The following NEDD4L variants were observed in gnomAD, a reference collection of about 807,000 sequenced individuals.
NEDD4L encodes NEDD4 like E3 ubiquitin protein ligase, also known as E3 ubiquitin-protein ligase NEDD4-like.
NEDD4L carries 54 observed loss-of-function variants against 148.9 expected under a neutral mutation model. The ratio of observed to expected loss-of-function variants is 0.36; its 90% CI spans 0.29 to 0.45. NEDD4L has a LOEUF of 0.45. NEDD4L is among the 20% of genes least tolerant of loss of function. The pLI, the probability that NEDD4L is intolerant of heterozygous loss-of-function variation, is 1.00. For synonymous variants in NEDD4L, 433 were observed against 440.7 expected (o/e 0.98, Z 0.22); for missense variants, 856 against 1,233.8 (o/e 0.69, Z 4.59).
chr18:58,329,966 G>A (rs539243788), intron 10 of NEDD4L, among the ~76,000 whole-genome samples: 60 of 152,126 alleles, frequency 3.9e-4, no homozygotes, highest in Non-Finnish European at 7.4e-4. Context: ...TTATTGAGTC[G>A]CTTTGACACT....
chr18:58,247,671 T>C (rs2148448017), intron 3 of NEDD4L: 1 of 152,658 alleles, frequency 6.6e-6, no homozygotes, highest in East Asian at 1.9e-4. Context: ...GCCGTCATCC[T>C]CCTCTCCTTG....
intron 13 of NEDD4L, among the ~76,000 whole-genome samples, chr18:58,339,942 C>A (rs2042220072): frequency 6.6e-6 from 1 of 152,176 alleles, no homozygotes; most frequent in South Asian, 2.1e-4. Context: ...AAGAAAACGA[C>A]AACTGCTAAA....
chr18:58,354,982 C>A (rs1420391525), intron 18 of NEDD4L, among the ~76,000 whole-genome samples: 1 of 152,140 alleles, frequency 6.6e-6, no homozygotes, highest in Non-Finnish European at 1.5e-5. Context: ...CAGCATTGCT[C>A]CAAACAGCTA....
At chr18:58,261,258 A>G (rs2049336146) in intron 5 of NEDD4L, among the ~76,000 whole-genome samples, 1 of 152,236 alleles carries the variant, frequency 6.6e-6, no homozygotes, top group Admixed American at 6.5e-5. Flanking sequence ...ACTCGTAAGT[A>G]TATTTACTGT....
At chr18:58,298,976 T>G (rs2056084866) in intron 5 of NEDD4L, among the ~76,000 whole-genome samples, 1 of 152,212 alleles carries the variant, frequency 6.6e-6, no homozygotes, top group African/African-American at 2.4e-5. Flanking sequence ...TTCTAAATAT[T>G]ATCTTTAGTC....
intron 26 of NEDD4L, among the ~76,000 whole-genome samples, chr18:58,386,427 A>G (rs565978114): frequency 1.6e-4 from 24 of 152,232 alleles, no homozygotes; most frequent in African/African-American, 5.5e-4. Flanking sequence ...ATACAGATAC[A>G]TGGAAAACAC....
intron 2 of NEDD4L, among the ~76,000 whole-genome samples, chr18:58,185,725 T>G (rs2039393164): frequency 1.3e-5 from 2 of 151,928 alleles, no homozygotes; most frequent in South Asian, 4.2e-4. Context: ...AATACAAAAT[T>G]AGCCGGGTGT....
intron 1 of NEDD4L, among the ~76,000 whole-genome samples, chr18:58,067,525 G>T (rs551617701): frequency 6.6e-6 from 1 of 152,102 alleles, no homozygotes; most frequent in Non-Finnish European, 1.5e-5. Context: ...GAGGTGGTGT[G>T]GGGGGCCTGC....
chr18:58,100,812 A>C (rs1036023782), intron 1 of NEDD4L, among the ~76,000 whole-genome samples: 4 of 152,120 alleles, frequency 2.6e-5, no homozygotes, highest in African/African-American at 9.7e-5. Context: ...TAATTAAAAA[A>C]ATATTTTCTT....
chr18:58,251,539 G>C (rs1350510539), intron 4 of NEDD4L, among the ~76,000 whole-genome samples: 1 of 149,596 alleles, frequency 6.7e-6, no homozygotes, highest in Non-Finnish European at 1.5e-5. Flanking sequence ...GTGTGTTTGT[G>C]TGTATGTGTG....
chr18:58,212,568 G>A (rs374554489), intron 2 of NEDD4L, among the ~76,000 whole-genome samples: 4 of 152,150 alleles, frequency 2.6e-5, no homozygotes, highest in Non-Finnish European at 4.4e-5. Context: ...CCCGTGACAC[G>A]TGGGGATTAT....
intron 2 of NEDD4L, among the ~76,000 whole-genome samples, chr18:58,221,288 C>T (rs1335446400): frequency 6.6e-6 from 1 of 152,072 alleles, no homozygotes; most frequent in Non-Finnish European, 1.5e-5. Flanking sequence ...CCCCGCCAGA[C>T]ATAGAGTCAT....
At chr18:58,224,173 TCA>T (rs2044093049) in intron 2 of NEDD4L, among the ~76,000 whole-genome samples, 1 of 152,238 alleles carries the variant, frequency 6.6e-6, no homozygotes, top group African/African-American at 2.4e-5. Flanking sequence ...TCACGATTAC[TCA>T]TCTGGCCTGC....
intron 6 of NEDD4L, among the ~76,000 whole-genome samples, chr18:58,322,016 G>A (rs2058824734): frequency 1.3e-5 from 2 of 152,154 alleles, no homozygotes; most frequent in Non-Finnish European, 2.9e-5. Context: ...AAAAAACAAA[G>A]TTTCCCTCAA....
chr18:58,111,463 G>C (rs2085416503), intron 1 of NEDD4L, among the ~76,000 whole-genome samples: 1 of 152,130 alleles, frequency 6.6e-6, no homozygotes, highest in African/African-American at 2.4e-5. Flanking sequence ...TCCCTAGGCA[G>C]CCTCTAAACT....
intron 5 of NEDD4L, among the ~76,000 whole-genome samples, chr18:58,257,030 A>G (rs1340679318): frequency 6.6e-6 from 1 of 152,126 alleles, no homozygotes; most frequent in Non-Finnish European, 1.5e-5. Context: ...CAAGCAGAAT[A>G]CCTTCCCCCT....
intron 15 of NEDD4L, among the ~76,000 whole-genome samples, chr18:58,342,315 A>G (rs1327524824): frequency 6.6e-6 from 1 of 152,138 alleles, no homozygotes; most frequent in East Asian, 1.9e-4. Context: ...TTTTGGTGCC[A>G]TCCTTTAACA....
chr18:58,283,351 C>T (rs1291544267), intron 5 of NEDD4L, among the ~76,000 whole-genome samples: 2 of 152,208 alleles, frequency 1.3e-5, no homozygotes, highest in Non-Finnish European at 2.9e-5. Flanking sequence ...GCTGGGATTA[C>T]AGGCGTGAGC....
chr18:58,186,041 GTATGCACACGCGCACAGAGAAGGATACA>G (rs1485829135), intron 2 of NEDD4L, among the ~76,000 whole-genome samples: 20 of 151,484 alleles, frequency 1.3e-4, no homozygotes, highest in South Asian at 6.3e-4. Flanking sequence ...AGAAGGATAC[GTATGCACACGCGCACAGAGAAGGATACA>G]TATGCACACG....
Sources: gnomAD v4.1 joint callset for allele counts (sites outside exome capture counted in the v4.1 genomes callset) on GRCh38, gnomAD v4.1.1 for gene constraint, MANE v1.5 for transcripts, NCBI Gene and HGNC (gene_info 2026-07-23, HGNC 2026-07-21) for gene names.